GALNT17: variants seen among roughly 807,000 people sequenced by gnomAD.
GALNT17 encodes UDP-GalNAc:polypeptide N-acetylgalactosaminyltransferase-like 3.
Under a neutral mutation model 63.7 loss-of-function variants are expected in GALNT17, and 29 were observed. The ratio of observed to expected loss-of-function variants is 0.46; its 90% CI spans 0.34 to 0.62. GALNT17 has a LOEUF of 0.62. Among genes scored for constraint, GALNT17 ranks in the 20% least tolerant of loss-of-function variants. The probability of loss-of-function intolerance (pLI) is 0.01; values close to 1 mark genes in which losing one functional copy is unlikely to be tolerated. For missense variants in GALNT17, 603 were observed against 799.6 expected, an observed-to-expected ratio of 0.75 and a Z score of 2.97; for synonymous variants, 305 against 318.3, an observed-to-expected ratio of 0.96 and a Z score of 0.45.
intron 2 of GALNT17, among the ~76,000 whole-genome samples, chr7:71,360,289 T>C (rs1792372959): frequency 6.6e-6 from 1 of 152,204 alleles, no homozygotes; most frequent in Admixed American, 6.5e-5. Flanking sequence ...CGACCAGATA[T>C]AAATTATGAC....
At chr7:71,238,669 T>TAG (rs1789939414) in intron 1 of GALNT17, among the ~76,000 whole-genome samples, 1 of 152,210 alleles carries the variant, frequency 6.6e-6, no homozygotes, top group Non-Finnish European at 1.5e-5. Flanking sequence ...TGCCTCTCTC[T>TAG]GTGTGCGGTT....
chr7:71,194,846 T>C (rs1303807828), intron 1 of GALNT17, among the ~76,000 whole-genome samples: 3 of 152,234 alleles, frequency 2.0e-5, no homozygotes. Context: ...CGGTGCTGTC[T>C]CAGATTTGTA....
At chr7:71,639,586 A>G (rs1299112598) in intron 6 of GALNT17, among the ~76,000 whole-genome samples, 2 of 152,188 alleles carry the variant, frequency 1.3e-5, no homozygotes, top group Non-Finnish European at 2.9e-5. Context: ...TACCTCTGCC[A>G]TGGAGATGAA....
chr7:71,154,838 A>T (rs1788204420), intron 1 of GALNT17, among the ~76,000 whole-genome samples: 1 of 151,864 alleles, frequency 6.6e-6, no homozygotes, highest in Non-Finnish European at 1.5e-5. Context: ...GGCCTCCCAA[A>T]GTGCTGGGAT....
chr7:71,267,162 A>G (rs1268913756), intron 1 of GALNT17, among the ~76,000 whole-genome samples: 4 of 152,166 alleles, frequency 2.6e-5, no homozygotes, highest in South Asian at 2.1e-4. Context: ...CTAGGCTGCA[A>G]GTTTCTGCAG....
chr7:71,240,990 G>A (rs1424908753), intron 1 of GALNT17, among the ~76,000 whole-genome samples: 2 of 152,074 alleles, frequency 1.3e-5, no homozygotes, highest in Admixed American at 1.3e-4. Flanking sequence ...ACTGTTGATG[G>A]GCACCTAGGT....
intron 5 of GALNT17, among the ~76,000 whole-genome samples, chr7:71,562,431 C>A (rs557998791): frequency 6.6e-6 from 1 of 152,204 alleles, no homozygotes; most frequent in Non-Finnish European, 1.5e-5. Flanking sequence ...AACTCACCAT[C>A]ATGTAGAATC....
intron 3 of GALNT17, among the ~76,000 whole-genome samples, chr7:71,391,700 T>C (rs1244138417): frequency 6.6e-6 from 1 of 152,110 alleles, no homozygotes; most frequent in Non-Finnish European, 1.5e-5. Flanking sequence ...TTGCTTAGGC[T>C]AGTCTCAAAC....
intron 6 of GALNT17, among the ~76,000 whole-genome samples, chr7:71,573,916 A>G (rs149416946): frequency 6.6e-6 from 1 of 152,328 alleles, no homozygotes; most frequent in Non-Finnish European, 1.5e-5. Flanking sequence ...CTTATACATG[A>G]AAACATGCAG....
At chr7:71,422,318 C>T (rs1459872887) in intron 5 of GALNT17, among the ~76,000 whole-genome samples, 2 of 152,172 alleles carry the variant, frequency 1.3e-5, no homozygotes, top group East Asian at 3.9e-4. Flanking sequence ...TCCTTCCTTC[C>T]CACTTATAAA....
intron 1 of GALNT17, among the ~76,000 whole-genome samples, chr7:71,139,898 CA>C (rs1186919334): frequency 6.6e-6 from 1 of 152,128 alleles, no homozygotes; most frequent in East Asian, 1.9e-4. Flanking sequence ...GAGGTTGAGG[CA>C]AGATAATTTG....
chr7:71,695,501 C>CATAT (rs1403015128), intron 9 of GALNT17, among the ~76,000 whole-genome samples: 1 of 152,116 alleles, frequency 6.6e-6, no homozygotes, highest in Non-Finnish European at 1.5e-5. Flanking sequence ...TCTAAGCTCC[C>CATAT]ATATATATTT....
intron 1 of GALNT17, among the ~76,000 whole-genome samples, chr7:71,329,105 C>T (rs930151612): frequency 6.6e-6 from 1 of 152,036 alleles, no homozygotes; most frequent in Admixed American, 6.6e-5. Flanking sequence ...AAAGACAAGC[C>T]AACCCAACCA....
intron 2 of GALNT17, among the ~76,000 whole-genome samples, chr7:71,344,927 G>A (rs939630306): frequency 2.6e-5 from 4 of 152,150 alleles, no homozygotes; most frequent in Non-Finnish European, 5.9e-5. Flanking sequence ...TTAACCAGGA[G>A]AGAGAATGCT....
At chr7:71,494,197 C>A (rs117878635) in intron 5 of GALNT17, among the ~76,000 whole-genome samples, 7,004 of 152,132 alleles carry the variant, frequency 0.046, 236 homozygotes, top group South Asian at 0.15. Context: ...GAGAAACTGT[C>A]AAACTCTTAG....
At chr7:71,295,443 C>A (rs2115844060) in intron 1 of GALNT17, among the ~76,000 whole-genome samples, 1 of 152,032 alleles carries the variant, frequency 6.6e-6, no homozygotes, top group Non-Finnish European at 1.5e-5. Context: ...TCCTTCCTTT[C>A]TGTGTATTTT....
intron 1 of GALNT17, among the ~76,000 whole-genome samples, chr7:71,162,382 T>C (rs1268153316): frequency 6.6e-6 from 1 of 151,986 alleles, no homozygotes; most frequent in African/African-American, 2.4e-5. Context: ...GGGCATTTGA[T>C]ATTGCTGTGT....
chr7:71,662,428 A>G (rs1338466724), intron 6 of GALNT17, among the ~76,000 whole-genome samples: 1 of 152,108 alleles, frequency 6.6e-6, no homozygotes, highest in Non-Finnish European at 1.5e-5. Flanking sequence ...TCCATTTAAA[A>G]TGTGCCACTC....
At chr7:71,593,149 C>CAATAATAATAATAAT (rs59397445) in intron 6 of GALNT17, among the ~76,000 whole-genome samples, 32 of 146,936 alleles carry the variant, frequency 2.2e-4, no homozygotes, top group African/African-American at 7.5e-4. Flanking sequence ...GACCTTGTTG[C>CAATAATAATAATAAT]AATAATAATA....
Sources: allele counts gnomAD v4.1 joint callset (sites outside exome capture counted in the v4.1 genomes callset), GRCh38; gene constraint gnomAD v4.1.1; transcripts MANE v1.5; gene names NCBI Gene and HGNC (gene_info 2026-07-23, HGNC 2026-07-21).